COG2: variants seen among roughly 807,000 people sequenced by gnomAD.
COG2 encodes conserved oligomeric Golgi complex subunit 2.
COG2 carries 52 observed loss-of-function variants against 90.6 expected under a neutral mutation model. The observed-to-expected ratio is 0.57, with a 90% CI of 0.46 to 0.72. The LOEUF (loss-of-function observed/expected upper bound fraction) is 0.72, where lower values mean the gene tolerates loss of function less well. Ranked by LOEUF, COG2 falls within the 30% of genes least tolerant of loss-of-function variation. The probability of loss-of-function intolerance (pLI) is 0.00; values close to 1 mark genes in which losing one functional copy is unlikely to be tolerated. For synonymous variants in COG2, 337 were observed against 320.4 expected (o/e 1.05, Z -0.55); for missense variants, 829 against 891.2 (o/e 0.93, Z 0.89).
intron 3 of COG2, 186 bp downstream of exon 3, chr1:230,661,009 C>A: frequency 2.5e-6 from 1 of 407,318 alleles, no homozygotes; most frequent in Non-Finnish European, 4.4e-6. Context: ...GATACTATAA[C>A]CAAAAAAATG....
At chr1:230,688,956 C>G (rs2102774704) in intron 15 of COG2, among the ~76,000 whole-genome samples, 1 of 152,138 alleles carries the variant, frequency 6.6e-6, no homozygotes, top group East Asian at 1.9e-4. Context: ...CATAGTTGGC[C>G]CCTTATCCCC....
At position 230,659,473 on chromosome 1, in the gene COG2, G is replaced by C. The variant is rs760221309; in HGVS notation, c.82G>C (p.Asp28His). The change falls in exon 2 of 18, where the codon GAT becomes CAT. Residue 28 changes from aspartate (D) to histidine (H), a missense_variant. Coordinates refer to ENST00000366669, the MANE Select transcript of COG2 (RefSeq NM_007357.3). ...DKDEFMKEDFDVDHFVSDCRK... is the reference protein window; with the variant it reads ...DKDEFMKEDFHVDHFVSDCRK... ...TGGTTTTATTTTTCAGGAAGATTTC[G>C]ATGTCGATCATTTTGTGTCTGACTG... 1 of 1,613,094 alleles carries C rather than the reference G, an allele frequency of 6.2e-7. No homozygotes were observed. Among genetic ancestry groups the C allele is most frequent in the East Asian group, 2.2e-5 (1 of 44,850 alleles).
chr1:230,683,539 A>G lies in COG2; in HGVS notation c.1167-35A>G, dbSNP rs773356230. On this transcript the variant is annotated intron_variant, in intron 10 of 17. Transcript: ENST00000366669. ...ATAGGGAAAGGCATCTGTCAGAGTC[A>G]TAAACATTAATTCTTCTTCTTGTTT... The G allele has an allele frequency of 1.1e-5, 16 of 1,509,420 alleles. No individual in the cohort carries two copies. The South Asian group carries it at 1.4e-4, about 13-fold the overall frequency. 93.5% of individuals were successfully genotyped at this position (1,509,420 alleles called of 1,614,324 possible). A position where few individuals can be genotyped will look rare whatever the true frequency, so the allele number is the denominator to read the frequency against.
chr1:230,674,845 G>T (rs541925432), intron 8 of COG2, among the ~76,000 whole-genome samples, 153 bp from the exon 9 acceptor site: 4 of 152,274 alleles, frequency 2.6e-5, no homozygotes, highest in Admixed American at 6.5e-5. Flanking sequence ...AGAAACTTGA[G>T]TCTGGAAACA....
chr1:230,691,629 C>T (rs1663032820), intron 17 of COG2, 65 bp downstream of exon 17: 1 of 1,460,386 alleles, frequency 6.8e-7, no homozygotes, highest in South Asian at 1.2e-5. Context: ...CGGGCAGTTA[C>T]TTGGTGGCTC....
intron 15 of COG2, 88 bp from the exon 16 acceptor site, chr1:230,689,926 A>G: frequency 7.6e-7 from 1 of 1,319,712 alleles, no homozygotes; most frequent in South Asian, 1.5e-5. Flanking sequence ...CGTTAATAGT[A>G]TCCTTTTGGA....
At chr1:230,668,558 C>G (rs1441877142) in intron 5 of COG2, 118 bp from the exon 6 acceptor site, 1 of 633,504 alleles carries the variant, frequency 1.6e-6, no homozygotes, top group East Asian at 2.8e-5. Flanking sequence ...ACATAAAACA[C>G]TCTGACAAAA....
chr1:230,678,521 CT>C (rs1217128004), intron 9 of COG2: 3 of 985,228 alleles, frequency 3.0e-6, no homozygotes, highest in Non-Finnish European at 3.6e-6. Flanking sequence ...TCTTCTCTCT[CT>C]TTCTTCTTCA....
intron 1 of COG2, among the ~76,000 whole-genome samples, chr1:230,658,091 G>A (rs757728132): frequency 2.7e-5 from 4 of 147,126 alleles, no homozygotes; most frequent in South Asian, 2.1e-4. Flanking sequence ...CTCATTCTCC[G>A]TCCAGTTTTG....
At chr1:230,649,634 T>C (rs1053942962) in intron 1 of COG2, among the ~76,000 whole-genome samples, 3 of 152,244 alleles carry the variant, frequency 2.0e-5, no homozygotes, top group Non-Finnish European at 2.9e-5. Context: ...TTGTCTTTGC[T>C]TTTCATTGCT....
At chr1:230,678,175 A>G in intron 9 of COG2, 4 of 985,424 alleles carry the variant, frequency 4.1e-6, no homozygotes, top group Non-Finnish European at 3.6e-6. Context: ...AAGTACCCAC[A>G]AAAGCAACAT....
At chr1:230,664,315 A>T (rs1244697664) in intron 4 of COG2, among the ~76,000 whole-genome samples, 169 bp from the exon 5 acceptor site, 1 of 152,282 alleles carries the variant, frequency 6.6e-6, no homozygotes, top group East Asian at 1.9e-4. Flanking sequence ...AAGCCAAAAG[A>T]TTTGCATTCT....
At chr1:230,690,262 C>T in intron 16 of COG2, 109 bp downstream of exon 16, 1 of 888,006 alleles carries the variant, frequency 1.1e-6, no homozygotes, top group Non-Finnish European at 1.8e-6. Flanking sequence ...GACTGCCTAG[C>T]ACTTCTTCAC....
chr1:230,683,195 TAAGA>T (rs1399566632), intron 10 of COG2: 1 of 179,236 alleles, frequency 5.6e-6, no homozygotes, highest in African/African-American at 2.4e-5. Flanking sequence ...GTGATGGTGT[TAAGA>T]TAGATGGGTT....
At chr1:230,662,838 C>A (rs1450090584) in intron 3 of COG2, among the ~76,000 whole-genome samples, 5 of 152,160 alleles carry the variant, frequency 3.3e-5, no homozygotes, top group South Asian at 2.1e-4. Context: ...TCTCATCTCC[C>A]CCACCAGACA....
intron 9 of COG2, chr1:230,678,171 C>T (rs930681579): frequency 1.6e-5 from 16 of 985,152 alleles, no homozygotes; most frequent in African/African-American, 1.4e-4. Context: ...AATAAAGTAC[C>T]CACAAAAGCA....
chr1:230,691,322 T>TA, intron 16 of COG2, 62 bp from the exon 17 acceptor site: 1 of 1,417,474 alleles, frequency 7.1e-7, no homozygotes, highest in Non-Finnish European at 9.4e-7. Flanking sequence ...CAAAGCCAGT[T>TA]ACTCTATTTG....
chr1:230,679,962 G>A (rs888948479), intron 10 of COG2: 1 of 152,260 alleles, frequency 6.6e-6, no homozygotes, highest in Non-Finnish European at 1.5e-5. Flanking sequence ...TGTATGTAAT[G>A]ATCTTTTTAT....
Position 230,669,522 on chromosome 1 carries a change from C to A in COG2, c.761C>A (p.Pro254Gln), listed in dbSNP as rs756372914. ...TTAGTTGGCCAAGTACTAGTGAAAC[C>A]ATACATAGACGAGGTCTGTGTACCT... ...EALVGQVLVKPYIDEVIIEQF... is the reference protein window; with the variant it reads ...EALVGQVLVKQYIDEVIIEQF... Residue 254 changes from proline to glutamine, a missense_variant, in exon 7 of 18, where the codon CCA (proline) becomes CAA (glutamine). Physicochemically the swap from Pro to Gln is moderately conservative, Grantham distance 76. Transcript: ENST00000366669. 6.2e-7 allele frequency: 1 copy of A among 1,613,618 alleles called. No individual in the cohort carries two copies. The highest frequency in any genetic ancestry group is 8.5e-7 in the Non-Finnish European group (1 of 1,179,834).
Sources: gnomAD v4.1 joint callset for allele counts (sites outside exome capture counted in the v4.1 genomes callset) on GRCh38, gnomAD v4.1.1 for gene constraint, MANE v1.5 for transcripts, NCBI Gene and HGNC (gene_info 2026-07-23, HGNC 2026-07-21) for gene names.